The following RRM2 variants were observed in gnomAD, a reference collection of about 807,000 sequenced individuals.
The protein encoded by RRM2 is ribonucleotide reductase regulatory subunit M2.
In RRM2, 6 loss-of-function variants were observed where a neutral mutation model predicts 45.9. The ratio of observed to expected loss-of-function variants is 0.13; its 90% CI spans 0.07 to 0.26. The LOEUF (loss-of-function observed/expected upper bound fraction) is 0.26, where lower values mean the gene tolerates loss of function less well. Among genes scored for constraint, RRM2 ranks in the 10% least tolerant of loss-of-function variants. The pLI, the probability that RRM2 is intolerant of heterozygous loss-of-function variation, is 1.00. For missense variants in RRM2, 343 were observed against 489.5 expected, an observed-to-expected ratio of 0.70 and a Z score of 2.82; for synonymous variants, 177 against 173.0, an observed-to-expected ratio of 1.02 and a Z score of -0.18.
chr2:10,142,084 G>A lies in RRM2; in HGVS notation n.361+130G>A, dbSNP rs551848052. The A allele has an allele frequency of 1.2e-5, 19 of 1,594,154 alleles. No homozygotes were observed. In the East Asian group the frequency reaches 4.1e-4, roughly 34 times the overall value. On this transcript the variant is annotated intron_variant and non_coding_transcript_variant, in intron 2 of 3. Coordinates refer to the RRM2 transcript ENST00000381786. ...GTGGGGATCGACCACGTGGTTAGGGGAGGAAAGCATGTTTCAGGCGGAGGG... is the reference window on the plus strand; with the variant it reads ...GTGGGGATCGACCACGTGGTTAGGGAAGGAAAGCATGTTTCAGGCGGAGGG...
At chr2:10,142,081 G>A (rs1663095837) in intron 2 of RRM2, 1 of 1,595,684 alleles carries the variant, frequency 6.3e-7, no homozygotes, top group Admixed American at 1.7e-5. Flanking sequence ...CACGTGGTTA[G>A]GGGAGGAAAG....
At chr2:10,200,674 G>A (rs935142727) in intron 3 of RRM2, among the ~76,000 whole-genome samples, 10 of 131,420 alleles carry the variant, frequency 7.6e-5, no homozygotes, top group African/African-American at 2.5e-4. Context: ...AGGCCCACAG[G>A]GACTGCGCGC....
At chr2:10,161,964 G>A (rs112629499) in intron 3 of RRM2, among the ~76,000 whole-genome samples, 3,846 of 152,268 alleles carry the variant, frequency 0.025, 174 homozygotes, top group African/African-American at 0.088. Context: ...AGAGGGGAGA[G>A]AACAGCCACT....
exon 4 of RRM2, chr2:10,210,646 G>A: frequency 7.4e-7 from 1 of 1,342,448 alleles, no homozygotes; most frequent in Non-Finnish European, 9.9e-7. Context: ...TCATGCCGGA[G>A]TGGGGGAAAT....
chr2:10,196,460 G>A (rs1158204720), intron 3 of RRM2, among the ~76,000 whole-genome samples: 1 of 152,186 alleles, frequency 6.6e-6, no homozygotes, highest in African/African-American at 2.4e-5. Context: ...CCAGCAGCCG[G>A]CACTGCCTGG....
intron 3 of RRM2, among the ~76,000 whole-genome samples, chr2:10,150,297 A>T (rs1663279695): frequency 6.6e-6 from 1 of 152,122 alleles, no homozygotes; most frequent in Admixed American, 6.6e-5. Flanking sequence ...AATACAAAAA[A>T]TTAGTCAGGC....
chr2:10,201,765 A>G (rs1664573874), intron 3 of RRM2, among the ~76,000 whole-genome samples: 1 of 152,242 alleles, frequency 6.6e-6, no homozygotes, highest in South Asian at 2.1e-4. Context: ...ACTAAAACAT[A>G]TCAGGATTGT....
intron 3 of RRM2, among the ~76,000 whole-genome samples, chr2:10,191,534 C>CTCTGG: frequency 1.3e-5 from 2 of 152,128 alleles, no homozygotes; most frequent in East Asian, 3.9e-4. Context: ...TGGGTGCTGT[C>CTCTGG]AGCTGGGTGC....
chr2:10,160,114 C>CTGCTCTTATGGGCTGCT (rs1663524357), intron 3 of RRM2, among the ~76,000 whole-genome samples: 1 of 152,144 alleles, frequency 6.6e-6, no homozygotes, highest in African/African-American at 2.4e-5. Context: ...TATGGGCTGC[C>CTGCTCTTATGGGCTGCT]GTCTTCTGCT....
chr2:10,187,529 G>A (rs991546681), intron 3 of RRM2, among the ~76,000 whole-genome samples: 25 of 152,178 alleles, frequency 1.6e-4, no homozygotes, highest in African/African-American at 4.6e-4. Flanking sequence ...AGATGTGGAC[G>A]CTCTGAGGCC....
At chr2:10,190,239 G>T (rs1009242302) in intron 3 of RRM2, among the ~76,000 whole-genome samples, 1 of 149,992 alleles carries the variant, frequency 6.7e-6, no homozygotes, top group Non-Finnish European at 1.5e-5. Context: ...GGTGATGATG[G>T]TGGTGATGGT....
chr2:10,163,009 G>T (rs1008094128), intron 3 of RRM2, among the ~76,000 whole-genome samples: 1 of 152,242 alleles, frequency 6.6e-6, no homozygotes. Context: ...ACTCCTGCAC[G>T]CAGGGCCCCG....
chr2:10,209,852 G>A (rs1664727444), intron 3 of RRM2, among the ~76,000 whole-genome samples: 1 of 152,232 alleles, frequency 6.6e-6, no homozygotes, highest in Admixed American at 6.5e-5. Flanking sequence ...TGGCGAAGGT[G>A]GCAAAGAGTC....
At chr2:10,123,212 A>T in intron 2 of RRM2, 155 bp downstream of exon 2, 1 of 1,282,414 alleles carries the variant, frequency 7.8e-7, no homozygotes, top group Non-Finnish European at 1.0e-6. Flanking sequence ...CCCTCGGCCC[A>T]TTTCCCGGTT....
chr2:10,204,412 A>T lies in RRM2; in HGVS notation n.483-5899A>T, dbSNP rs998687301. 1.4e-4 allele frequency among the ~76,000 whole-genome samples: 21 copies of T among 152,118 alleles called. No homozygotes were observed. Among genetic ancestry groups the T allele is most frequent in the African/African-American group, 5.1e-4 (21 of 41,434 alleles). On this transcript the variant is annotated intron_variant and non_coding_transcript_variant, in intron 3 of 3. Coordinates refer to the RRM2 transcript ENST00000381786. The surrounding 1 kb of genome is among the most constrained non-coding windows in gnomAD (Gnocchi z 4.0). ...AGGAATGTGTGAGAAAATGGGGAGG[A>T]GAGGGAGGAACGGTTGGTGGGCAGC...
upstream of RRM2, among the ~76,000 whole-genome samples, chr2:10,138,456 T>C (rs1443074520): frequency 6.6e-6 from 1 of 152,030 alleles, no homozygotes; most frequent in African/African-American, 2.4e-5. Context: ...CATTAGCCAC[T>C]GTGCCTGGCC....
At chr2:10,141,717 C>T (rs1663082897) in intron 1 of RRM2, 4 of 1,253,030 alleles carry the variant, frequency 3.2e-6, no homozygotes, top group Non-Finnish European at 4.4e-6. Flanking sequence ...AAGGAAAGAG[C>T]AGGTGAGGGT....
exon 4 of RRM2, chr2:10,210,580 C>G (rs1387642696): frequency 7.3e-7 from 1 of 1,365,716 alleles, no homozygotes; most frequent in Admixed American, 1.9e-5. Context: ...CATTCTCAGA[C>G]CCCCCAGGGC....
chr2:10,183,965 C>T (rs1373761787), intron 3 of RRM2, among the ~76,000 whole-genome samples: 2 of 151,518 alleles, frequency 1.3e-5, no homozygotes, highest in African/African-American at 4.8e-5. Context: ...TGATGGCAGG[C>T]GCCTGTAGTC....
Sources: gnomAD v4.1 joint callset for allele counts (sites outside exome capture counted in the v4.1 genomes callset) on GRCh38, gnomAD v4.1.1 for gene constraint, Gnocchi (gnomAD v3.1) non-coding constraint, MANE v1.5 for transcripts, NCBI Gene and HGNC (gene_info 2026-07-23, HGNC 2026-07-21) for gene names.